Variants in CDH13 observed in about 807,000 individuals in gnomAD.
CDH13 encodes cadherin-13.
CDH13 carries 24 observed loss-of-function variants against 63.8 expected under a neutral mutation model. The observed-to-expected ratio is 0.38, with a 90% confidence interval of 0.27 to 0.53. CDH13 has a LOEUF of 0.53. Ranked by LOEUF, CDH13 falls within the 20% of genes least tolerant of loss-of-function variation. CDH13 has a pLI of 0.85. For synonymous variants in CDH13, 503 were observed against 355.3 expected (o/e 1.42, Z -4.67); for missense variants, 1,049 against 903.1 (o/e 1.16, Z -2.07).
At chr16:83,538,352 C>G (rs1271473160) in intron 7 of CDH13, among the ~76,000 whole-genome samples, 7 of 152,194 alleles carry the variant, frequency 4.6e-5, no homozygotes. Context: ...ACACTATACT[C>G]ATCTCCGTAG....
chr16:82,950,281 A>T (rs979030259), intron 2 of CDH13, among the ~76,000 whole-genome samples: 1 of 152,072 alleles, frequency 6.6e-6, no homozygotes, highest in Non-Finnish European at 1.5e-5. Context: ...TTCCCTTTGC[A>T]TGCCAGTCTC....
chr16:83,794,724 T>C (rs988101533), intron 13 of CDH13, among the ~76,000 whole-genome samples: 2 of 152,102 alleles, frequency 1.3e-5, no homozygotes, highest in East Asian at 1.9e-4. Context: ...CCAAGCTCTG[T>C]GCTGAGAGAC....
At chr16:83,151,569 G>C (rs1405118638) in intron 4 of CDH13, among the ~76,000 whole-genome samples, 1 of 152,148 alleles carries the variant, frequency 6.6e-6, no homozygotes, top group East Asian at 1.9e-4. Context: ...GTTCTAGAGA[G>C]TATTTGCTAA....
At chr16:83,364,207 A>G (rs530251389) in intron 6 of CDH13, among the ~76,000 whole-genome samples, 49 of 152,306 alleles carry the variant, frequency 3.2e-4, no homozygotes, top group African/African-American at 1.1e-3. Context: ...TCCTTAAGAT[A>G]GACATAATAA....
At chr16:83,718,668 A>T (rs972606936) in intron 10 of CDH13, among the ~76,000 whole-genome samples, 8 of 152,184 alleles carry the variant, frequency 5.3e-5, no homozygotes, top group Admixed American at 4.6e-4. Flanking sequence ...GGGAAAACCT[A>T]AGTGAAATCC....
At chr16:83,737,022 C>A (rs1911603189) in intron 10 of CDH13, among the ~76,000 whole-genome samples, 1 of 152,112 alleles carries the variant, frequency 6.6e-6, no homozygotes, top group African/African-American at 2.4e-5. Context: ...GGCTCACACA[C>A]AAAGGAAGAG....
chr16:83,276,795 T>C (rs1430962508), intron 5 of CDH13, among the ~76,000 whole-genome samples: 1 of 152,094 alleles, frequency 6.6e-6, no homozygotes, highest in East Asian at 1.9e-4. Flanking sequence ...GGCATGAACA[T>C]GGGAGGTGGA....
chr16:83,502,757 C>T (rs1267788557), intron 7 of CDH13, among the ~76,000 whole-genome samples: 1 of 152,196 alleles, frequency 6.6e-6, no homozygotes, highest in East Asian at 1.9e-4. Context: ...ATGAAGAGCT[C>T]TTGACCAATA....
At chr16:83,280,951 G>T (rs2089151817) in intron 5 of CDH13, among the ~76,000 whole-genome samples, 1 of 152,326 alleles carries the variant, frequency 6.6e-6, no homozygotes, top group Non-Finnish European at 1.5e-5. Context: ...CAGATGTGCT[G>T]TCATCCAGAT....
At chr16:83,764,780 C>G (rs949313070) in intron 11 of CDH13, among the ~76,000 whole-genome samples, 3 of 151,218 alleles carry the variant, frequency 2.0e-5, no homozygotes, top group African/African-American at 7.3e-5. Context: ...CTCCTGAAGT[C>G]AGCCCTTTAC....
At chr16:82,645,182 C>A (rs28419168) in intron 1 of CDH13, among the ~76,000 whole-genome samples, 37,204 of 151,998 alleles carry the variant, frequency 0.24, 5,016 homozygotes, top group African/African-American at 0.36. Flanking sequence ...GGCCCTTCAC[C>A]CAGCTCCAGG....
At chr16:83,732,444 G>C (rs1157483123) in intron 10 of CDH13, among the ~76,000 whole-genome samples, 4 of 152,204 alleles carry the variant, frequency 2.6e-5, no homozygotes, top group African/African-American at 9.7e-5. Context: ...GCAGTGATCA[G>C]TCCCCAAAGC....
chr16:83,754,508 C>T (rs762795535), intron 11 of CDH13, among the ~76,000 whole-genome samples: 5 of 152,102 alleles, frequency 3.3e-5, no homozygotes, highest in Non-Finnish European at 5.9e-5. Context: ...GTGTCCCCAC[C>T]CAAATCTCAT....
chr16:83,679,214 T>G (rs1255418903), intron 10 of CDH13, among the ~76,000 whole-genome samples: 4 of 152,242 alleles, frequency 2.6e-5, no homozygotes, highest in African/African-American at 9.6e-5. Flanking sequence ...CCACCCGTGG[T>G]GCATCTAATG....
intron 7 of CDH13, among the ~76,000 whole-genome samples, chr16:83,513,912 GA>G (rs1285153790): frequency 6.6e-6 from 1 of 151,958 alleles, no homozygotes; most frequent in African/African-American, 2.4e-5. Context: ...AAATTATAGA[GA>G]ATGAAGGAAA....
intron 9 of CDH13, among the ~76,000 whole-genome samples, chr16:83,677,070 T>G (rs1029630724): frequency 2.6e-5 from 4 of 152,186 alleles, no homozygotes; most frequent in African/African-American, 9.7e-5. Context: ...AGCTGTTTGT[T>G]CCAGTAAGCA....
At chr16:82,917,821 G>C (rs11150523) in intron 2 of CDH13, among the ~76,000 whole-genome samples, 1 of 150,900 alleles carries the variant, frequency 6.6e-6, no homozygotes. Context: ...AGGCTGAGGC[G>C]GGAGAATTGC....
intron 5 of CDH13, among the ~76,000 whole-genome samples, chr16:83,233,576 C>T (rs1021591648): frequency 2.0e-5 from 3 of 152,148 alleles, no homozygotes; most frequent in East Asian, 1.9e-4. Flanking sequence ...CATCATTCTC[C>T]GACCTTTTCC....
Position 83,559,942 on chromosome 16 carries a change from A to G in CDH13, c.961-42512A>G, listed in dbSNP as rs542636373. ...TTAAATCAGATCAAACAGTTGGCCA[A>G]TATACATGTTGGTTATTCACACGAT... On this transcript the variant is annotated intron_variant, in intron 7 of 13. Coordinates refer to ENST00000567109, the MANE Select transcript of CDH13 (RefSeq NM_001257.5). 2.6e-5 allele frequency among the ~76,000 whole-genome samples: 4 copies of G among 152,302 alleles called. No homozygotes were observed. The East Asian group carries it at 7.7e-4, about 29-fold the overall frequency.
Sources: gnomAD v4.1 joint callset for allele counts (sites outside exome capture counted in the v4.1 genomes callset) on GRCh38, gnomAD v4.1.1 for gene constraint, MANE v1.5 for transcripts, NCBI Gene and HGNC (gene_info 2026-07-23, HGNC 2026-07-21) for gene names.